The following SVOP variants were observed in gnomAD, a reference collection of about 807,000 sequenced individuals.
SVOP encodes the protein SV2 related protein.
In SVOP, 17 loss-of-function variants were observed where a neutral mutation model predicts 69.1. That is an observed-to-expected ratio of 0.25 (90% CI 0.17 to 0.37). The LOEUF is 0.37. Ranked by LOEUF, SVOP falls within the 10% of genes least tolerant of loss-of-function variation. SVOP has a pLI of 1.00. For synonymous variants in SVOP, 238 were observed against 238.6 expected, an observed-to-expected ratio of 1.00 and a Z score of 0.02; for missense variants, 435 against 597.5, an observed-to-expected ratio of 0.73 and a Z score of 2.84.
intron 6 of SVOP, among the ~76,000 whole-genome samples, chr12:108,959,434 A>T (rs558622052): frequency 6.7e-6 from 1 of 148,374 alleles, no homozygotes; most frequent in East Asian, 2.0e-4. Context: ...GCTCACTGCA[A>T]CCTCTGCCTC....
intron 1 of SVOP, among the ~76,000 whole-genome samples, chr12:108,993,378 C>CAAAA (rs371842542): frequency 7.1e-6 from 1 of 139,924 alleles, no homozygotes; most frequent in Non-Finnish European, 1.5e-5. Context: ...ATTTTGCCTT[C>CAAAA]AAAAAAAAAA....
chr12:108,962,462 G>A (rs2040023275), intron 5 of SVOP, among the ~76,000 whole-genome samples: 1 of 152,140 alleles, frequency 6.6e-6, no homozygotes, highest in African/African-American at 2.4e-5. Flanking sequence ...TTTCTGGATA[G>A]TTAAGAAGGC....
At chr12:108,946,978 C>T (rs1295658331) in intron 6 of SVOP, among the ~76,000 whole-genome samples, 1 of 152,052 alleles carries the variant, frequency 6.6e-6, no homozygotes, top group Non-Finnish European at 1.5e-5. Context: ...CCTCAGCCTC[C>T]TAAAGTCCTG....
intron 1 of SVOP, among the ~76,000 whole-genome samples, chr12:109,001,632 C>G (rs1394682503): frequency 7.1e-6 from 1 of 140,552 alleles, no homozygotes; most frequent in African/African-American, 2.7e-5. Context: ...TGGAACAGAA[C>G]AGAGCCCTCA....
chr12:108,931,675 A>G (rs2039819870), intron 11 of SVOP, among the ~76,000 whole-genome samples: 2 of 152,076 alleles, frequency 1.3e-5, no homozygotes, highest in African/African-American at 4.8e-5. Context: ...CTACTAAAAA[A>G]TACAAAAAAT....
At chr12:108,919,845 C>T in intron 12 of SVOP, 59 bp from the exon 13 acceptor site, 1 of 1,148,610 alleles carries the variant, frequency 8.7e-7, no homozygotes, top group Non-Finnish European at 1.3e-6. Context: ...TGCCCTCCAT[C>T]CTCGTAGCAC....
At chr12:108,992,302 AG>A (rs2040206909) in intron 1 of SVOP, among the ~76,000 whole-genome samples, 1 of 151,500 alleles carries the variant, frequency 6.6e-6, no homozygotes, top group Non-Finnish European at 1.5e-5. Flanking sequence ...GCACTTTAGG[AG>A]GCGGAGGCAA....
intron 2 of SVOP, among the ~76,000 whole-genome samples, chr12:108,979,105 G>A (rs145951082): frequency 0.67 from 101,815 of 151,952 alleles, 34,613 homozygotes; most frequent in East Asian, 0.79. Flanking sequence ...GTATCTATCC[G>A]TAGAATATAT....
chr12:108,937,744 G>T (rs1380162297), intron 9 of SVOP, among the ~76,000 whole-genome samples: 1 of 152,202 alleles, frequency 6.6e-6, no homozygotes, highest in Non-Finnish European at 1.5e-5. Flanking sequence ...TTAATGTGCT[G>T]AGAAACTAAT....
At chr12:108,985,353 AAAT>A (rs1191377468) in intron 1 of SVOP, among the ~76,000 whole-genome samples, 235 of 152,062 alleles carry the variant, frequency 1.5e-3, no homozygotes, top group African/African-American at 5.5e-3. Context: ...AGGAAAGAAA[AAAT>A]AAAAGGAAAA....
chr12:108,937,047 T>C (rs944644286), intron 10 of SVOP: 3 of 547,284 alleles, frequency 5.5e-6, no homozygotes, highest in African/African-American at 3.8e-5. Context: ...GCACGGTGAT[T>C]AAAAGCAGTC....
chr12:109,008,272 G>C (rs1276975888), intron 1 of SVOP, among the ~76,000 whole-genome samples: 1 of 152,132 alleles, frequency 6.6e-6, no homozygotes, highest in African/African-American at 2.4e-5. Context: ...TAATGCTTTT[G>C]CATCTCTACA....
In SVOP at chr12:108,908,998, T is replaced by G. The variant is rs1368872496; in HGVS notation, c.*3537A>C. 6.6e-6 allele frequency: 1 copy of G among 152,228 alleles called. No homozygotes were observed. The highest frequency in any genetic ancestry group is 1.5e-5 in the Non-Finnish European group (1 of 68,054). The allele number at this position is 152,228 out of a possible 1,614,324, so 9.4% of individuals were successfully genotyped here. A position where few individuals can be genotyped will look rare whatever the true frequency, so the allele number is the denominator to read the frequency against. ...CAACAGACTCTTCTGAAAGAAAACC[T>G]TTTATGACTGCTCCTTTCCCATTCT... On this transcript the variant is annotated 3_prime_UTR_variant, in exon 16 of 16. Transcript: ENST00000610966.
intron 4 of SVOP, among the ~76,000 whole-genome samples, chr12:108,974,226 A>C (rs933398779): frequency 1.3e-5 from 2 of 152,236 alleles, no homozygotes; most frequent in Non-Finnish European, 2.9e-5. Flanking sequence ...TCACTTTAGC[A>C]ATAATCATTC....
At position 108,979,037 on chromosome 12, in the gene SVOP, G is replaced by A. The variant is rs145314824; in HGVS notation, c.197-374C>T. Among the ~76,000 whole-genome samples, 1,192 of 152,138 alleles carry A rather than the reference G, an allele frequency of 7.8e-3. 17 individuals carry two copies. Among genetic ancestry groups the A allele is most frequent in the African/African-American group, 0.027 (1,109 of 41,520 alleles). ...TAATGTTTAAAAATAAAACAAGATC[G>A]ACAACAAGGTATTTAGCATGGTTCT... On this transcript the variant is annotated intron_variant, in intron 2 of 15. Coordinates refer to ENST00000610966, the MANE Select transcript of SVOP (RefSeq NM_018711.5).
intron 1 of SVOP, among the ~76,000 whole-genome samples, chr12:109,011,452 T>C (rs763024565): frequency 1.4e-4 from 22 of 152,200 alleles, no homozygotes; most frequent in Non-Finnish European, 2.9e-4. Context: ...CTCTTCCTTG[T>C]CTAGGGATCC....
In SVOP at chr12:108,908,865, C is replaced by T. The variant is rs971513133; in HGVS notation, c.*3670G>A. 6.6e-6 allele frequency: 1 copy of T among 152,222 alleles called. No individual in the cohort carries two copies. The highest frequency in any genetic ancestry group is 6.5e-5 in the Admixed American group (1 of 15,278). The allele number at this position is 152,222 out of a possible 1,614,324, so 9.4% of individuals were successfully genotyped here. A position where few individuals can be genotyped will look rare whatever the true frequency, so the allele number is the denominator to read the frequency against. On this transcript the variant is annotated 3_prime_UTR_variant, in exon 16 of 16. Coordinates refer to ENST00000610966, the MANE Select transcript of SVOP (RefSeq NM_018711.5). ...TATCCCTTGGTGCTCGTAGGCCCTT[C>T]CTTCCAGCCCTACAGCAGGACTCAT...
At chr12:108,956,776 G>A (rs2039987954) in intron 6 of SVOP, among the ~76,000 whole-genome samples, 1 of 152,142 alleles carries the variant, frequency 6.6e-6, no homozygotes, top group African/African-American at 2.4e-5. Flanking sequence ...AGGAGATGTA[G>A]AAGCGGATGT....
In SVOP at chr12:108,961,125, C is replaced by T. The variant is rs960467572; in HGVS notation, c.454-78G>A. 6.0e-5 allele frequency: 87 copies of T among 1,455,256 alleles called. 2 individuals are homozygous for T. In the South Asian group the frequency reaches 1.1e-3, roughly 19 times the overall value. 90.1% of individuals were successfully genotyped at this position (1,455,256 alleles called of 1,614,324 possible). A position where few individuals can be genotyped will look rare whatever the true frequency, so the allele number is the denominator to read the frequency against. On this transcript the variant is annotated intron_variant, in intron 5 of 15. Transcript: ENST00000610966. Reference sequence around the variant, plus strand: ...GCGTTTGCACCTCACTGAGAGCCGCCGATAATGGGGTCACATTAAAGGGAG... The same window carrying T: ...GCGTTTGCACCTCACTGAGAGCCGCTGATAATGGGGTCACATTAAAGGGAG...
Sources: allele counts gnomAD v4.1 joint callset (sites outside exome capture counted in the v4.1 genomes callset), GRCh38; gene constraint gnomAD v4.1.1; transcripts MANE v1.5; gene names NCBI Gene and HGNC (gene_info 2026-07-23, HGNC 2026-07-21).